The following SOX5 variants were observed in gnomAD, a reference collection of about 807,000 sequenced individuals.
SOX5 encodes SRY-box transcription factor 5, also known as transcription factor SOX-5.
In SOX5, 9 loss-of-function variants were observed where a neutral mutation model predicts 92.0. The ratio of observed to expected loss-of-function variants is 0.10; its 90% CI spans 0.06 to 0.17. SOX5 has a LOEUF of 0.17. Among genes scored for constraint, SOX5 ranks in the 10% least tolerant of loss-of-function variants. The probability of loss-of-function intolerance (pLI) is 1.00; values close to 1 mark genes in which losing one functional copy is unlikely to be tolerated. For missense variants in SOX5, 642 were observed against 944.5 expected, an observed-to-expected ratio of 0.68 and a Z score of 4.20; for synonymous variants, 344 against 336.3, an observed-to-expected ratio of 1.02 and a Z score of -0.25.
chr12:24,229,167 C>T (rs527522276), intron 3 of SOX5, among the ~76,000 whole-genome samples: 3 of 152,342 alleles, frequency 2.0e-5, no homozygotes, highest in South Asian at 2.1e-4. Context: ...CAGCATCAGG[C>T]ACCGCCGAGT....
rs550030924 is a variant in SOX5, at chr12:23,643,844, G to A, written c.932-2947C>T. 2.0e-5 allele frequency among the ~76,000 whole-genome samples: 3 copies of A among 152,264 alleles called. No homozygotes were observed. The South Asian group carries it at 6.2e-4, about 32-fold the overall frequency. On this transcript the variant is annotated intron_variant, in intron 7 of 14. Transcript: ENST00000451604. The stretch of plus-strand genomic sequence containing the variant: ...AAAGGATGATCGAAAGAAAGGAATT[G>A]GAGGCAGGAAGTGTAGACCCTCGCT...
intron 2 of SOX5, among the ~76,000 whole-genome samples, chr12:24,349,821 A>G (rs1285332158): frequency 6.6e-6 from 1 of 152,214 alleles, no homozygotes; most frequent in African/African-American, 2.4e-5. Flanking sequence ...GCTGGATTGT[A>G]TGGTAAATAA....
At chr12:24,486,094 A>G (rs936094254) in intron 1 of SOX5, among the ~76,000 whole-genome samples, 1 of 152,056 alleles carries the variant, frequency 6.6e-6, no homozygotes, top group Non-Finnish European at 1.5e-5. Flanking sequence ...CTGGAACTAC[A>G]GGCACTAATT....
chr12:23,692,972 A>G (rs1362617747), intron 6 of SOX5, among the ~76,000 whole-genome samples: 2 of 152,184 alleles, frequency 1.3e-5, no homozygotes, highest in African/African-American at 4.8e-5. Flanking sequence ...TCCAAATATC[A>G]ATATAACTCC....
intron 1 of SOX5, among the ~76,000 whole-genome samples, chr12:24,540,350 A>G (rs1952013717): frequency 6.6e-6 from 1 of 152,094 alleles, no homozygotes; most frequent in Non-Finnish European, 1.5e-5. Flanking sequence ...CTTGTCATCT[A>G]AGTTCAAATG....
chr12:23,958,408 C>A (rs1442108042), intron 4 of SOX5, among the ~76,000 whole-genome samples: 4 of 151,818 alleles, frequency 2.6e-5, no homozygotes, highest in Admixed American at 2.6e-4. Flanking sequence ...GGAATTATGA[C>A]CTAGTCCAGT....
At chr12:24,045,355 G>A (rs1956893330) in intron 4 of SOX5, among the ~76,000 whole-genome samples, 1 of 152,294 alleles carries the variant, frequency 6.6e-6, no homozygotes, top group East Asian at 1.9e-4. Flanking sequence ...TACTCTATTG[G>A]TGTTTAATAA....
intron 2 of SOX5, among the ~76,000 whole-genome samples, chr12:24,298,460 C>T (rs936712148): frequency 2.6e-5 from 4 of 152,082 alleles, no homozygotes; most frequent in East Asian, 1.9e-4. Flanking sequence ...TGTATTAAAA[C>T]GGGTATGTAT....
At chr12:23,609,796 C>CTT (rs1359973167) in intron 8 of SOX5, among the ~76,000 whole-genome samples, 1 of 152,136 alleles carries the variant, frequency 6.6e-6, no homozygotes, top group African/African-American at 2.4e-5. Flanking sequence ...CAATAAAACA[C>CTT]TTTTAAAAAA....
intron 1 of SOX5, among the ~76,000 whole-genome samples, chr12:24,406,407 G>C (rs933930537): frequency 6.6e-6 from 1 of 152,098 alleles, no homozygotes; most frequent in African/African-American, 2.4e-5. Context: ...TCCTGGCCCA[G>C]AAAACACAAA....
At chr12:23,945,940 G>C (rs757792810) in intron 1 of SOX5, among the ~76,000 whole-genome samples, 5 of 152,100 alleles carry the variant, frequency 3.3e-5, no homozygotes, top group Non-Finnish European at 5.9e-5. Context: ...ACTAATGTCA[G>C]AGAGTAGTTT....
At chr12:24,464,708 A>G (rs1312809081) in intron 1 of SOX5, among the ~76,000 whole-genome samples, 1 of 152,210 alleles carries the variant, frequency 6.6e-6, no homozygotes, top group Admixed American at 6.5e-5. Flanking sequence ...ACATGTATTA[A>G]TAAAAATCCT....
intron 3 of SOX5, among the ~76,000 whole-genome samples, chr12:23,842,230 A>G (rs558474437): frequency 6.6e-6 from 1 of 152,250 alleles, no homozygotes; most frequent in African/African-American, 2.4e-5. Flanking sequence ...TTCTACATGT[A>G]TACTAGAACT....
At chr12:23,770,542 T>C (rs974665314) in intron 3 of SOX5, among the ~76,000 whole-genome samples, 13 of 127,010 alleles carry the variant, frequency 1.0e-4, no homozygotes, top group African/African-American at 3.2e-4. Context: ...AAAATTCTTT[T>C]TTCAGATTTT....
At chr12:24,509,078 T>A (rs565600134) in intron 1 of SOX5, among the ~76,000 whole-genome samples, 1 of 152,310 alleles carries the variant, frequency 6.6e-6, no homozygotes, top group East Asian at 1.9e-4. Context: ...AAAATAAAGA[T>A]AAGTAGCAGC....
rs1368216520 is a variant in SOX5 at position 24,393,476 on chromosome 12, T to C, written c.-250-24837A>G. Among the ~76,000 whole-genome samples, 1 of 152,184 alleles carries C rather than the reference T, an allele frequency of 6.6e-6. No homozygotes were observed. The highest frequency in any genetic ancestry group is 1.5e-5 in the Non-Finnish European group (1 of 68,034). ...GGATAATCAGCTTTAGGGTCATCTG[T>C]ACTGAGTCTACCACCCACCCCAAAA... On this transcript the variant is annotated intron_variant, in intron 1 of 4. Coordinates refer to the SOX5 transcript ENST00000446891. The surrounding 1 kb of genome is among the most constrained non-coding windows in gnomAD (Gnocchi z 5.0).
intron 4 of SOX5, among the ~76,000 whole-genome samples, chr12:24,008,738 C>T (rs1952597512): frequency 6.6e-6 from 1 of 152,092 alleles, no homozygotes; most frequent in East Asian, 1.9e-4. Context: ...TCCCAAAAGA[C>T]AGATATGGCC....
chr12:23,946,854 A>C (rs763623354), intron 1 of SOX5, among the ~76,000 whole-genome samples: 7 of 151,922 alleles, frequency 4.6e-5, no homozygotes, highest in Non-Finnish European at 1.0e-4. Flanking sequence ...AAAATATTTC[A>C]AGTTCTTTAC....
chr12:24,447,689 G>A (rs185288017), intron 1 of SOX5, among the ~76,000 whole-genome samples: 6 of 152,172 alleles, frequency 3.9e-5, no homozygotes, highest in Non-Finnish European at 4.4e-5. Flanking sequence ...TACTATCTTC[G>A]CAACTTTTCT....
Sources: allele counts gnomAD v4.1 joint callset (sites outside exome capture counted in the v4.1 genomes callset), GRCh38; gene constraint gnomAD v4.1.1; non-coding constraint Gnocchi (gnomAD v3.1); transcripts MANE v1.5; gene names NCBI Gene and HGNC (gene_info 2026-07-23, HGNC 2026-07-21).